Variants in TMEM38B observed in about 807,000 individuals in gnomAD.
TMEM38B encodes transmembrane protein 38B.
A neutral mutation model predicts 28.7 loss-of-function variants in TMEM38B; 24 were observed. That is an observed-to-expected ratio of 0.84 (90% CI 0.61 to 1.18). The LOEUF (loss-of-function observed/expected upper bound fraction) is 1.18. Among genes scored for constraint, TMEM38B ranks in the 50% most tolerant of loss-of-function variants. The probability of loss-of-function intolerance (pLI) is 0.00; values close to 1 mark genes in which losing one functional copy is unlikely to be tolerated. For synonymous variants in TMEM38B, 131 were observed against 127.7 expected (o/e 1.03, Z -0.17); for missense variants, 380 against 350.9 (o/e 1.08, Z -0.66).
chr9:105,694,555 C>G lies in TMEM38B; in HGVS notation c.-106C>G. The stretch of plus-strand genomic sequence containing the variant: ...GGCGCACGCGCGGAGCTGGAGCCGG[C>G]GCGGAGGAGCGGGCGGCCGCGGCTG... On this transcript the variant is annotated 5_prime_UTR_variant, in exon 1 of 6. Transcript: ENST00000374692. The G allele has an allele frequency of 1.3e-6, 1 of 745,066 alleles. No homozygotes were observed. The highest frequency in any genetic ancestry group is 2.1e-6 in the Non-Finnish European group (1 of 480,516). The allele number at this position is 745,066 out of a possible 1,614,324, so 46.2% of individuals were successfully genotyped here.
intron 2 of TMEM38B, among the ~76,000 whole-genome samples, chr9:105,707,530 G>A (rs1400090206): frequency 6.6e-6 from 1 of 152,100 alleles, no homozygotes; most frequent in African/African-American, 2.4e-5. Context: ...AAATGAATAT[G>A]TAACCAGTTC....
At chr9:105,703,976 G>A (rs540463765) in intron 1 of TMEM38B, among the ~76,000 whole-genome samples, 32 of 150,642 alleles carry the variant, frequency 2.1e-4, no homozygotes, top group Admixed American at 4.7e-4. Flanking sequence ...GTAAACTATC[G>A]CAAGAACAAA....
chr9:105,706,150 C>T (rs1178906041), intron 2 of TMEM38B, among the ~76,000 whole-genome samples: 3 of 152,290 alleles, frequency 2.0e-5, no homozygotes, highest in Non-Finnish European at 2.9e-5. Context: ...CTGCCCGCCT[C>T]GGCCTCCCAA....
intron 5 of TMEM38B, among the ~76,000 whole-genome samples, chr9:105,770,862 A>G (rs575542897): frequency 3.4e-4 from 52 of 152,278 alleles, no homozygotes; most frequent in African/African-American, 1.2e-3. Context: ...TCTTTTATAG[A>G]TATATTTCAG....
Position 105,773,927 on chromosome 9 carries a change from T to C in TMEM38B, c.723T>C (p.Ser241=). 6.2e-7 allele frequency: 1 copy of C among 1,613,780 alleles called. No homozygotes were observed. The highest frequency in any genetic ancestry group is 1.7e-5 in the Admixed American group (1 of 59,960). Reference sequence around the variant, plus strand: ...TTGCTCCTTTTGAGGATACATTGAGTTGGATGCTATTTGGCTGGCAGCAGC... The same window carrying C: ...TTGCTCCTTTTGAGGATACATTGAGCTGGATGCTATTTGGCTGGCAGCAGC... ...MTFAPFEDTL[S]WMLFGWQQPF... Residue 241 remains serine, a synonymous_variant, in exon 6 of 6, where the codon AGT becomes AGC. Coordinates refer to ENST00000374692, the MANE Select transcript of TMEM38B (RefSeq NM_018112.3).
chr9:105,728,082 A>T (rs1836586379), intron 4 of TMEM38B, among the ~76,000 whole-genome samples: 1 of 151,940 alleles, frequency 6.6e-6, no homozygotes, highest in Admixed American at 6.6e-5. Flanking sequence ...AGCCTCATGT[A>T]TTTCTTTTTT....
At chr9:105,707,477 A>T (rs1239610403) in intron 2 of TMEM38B, among the ~76,000 whole-genome samples, 1 of 152,212 alleles carries the variant, frequency 6.6e-6, no homozygotes, top group Admixed American at 6.5e-5. Context: ...CATTAAATAT[A>T]TAACAGGAAC....
At chr9:105,697,834 C>T (rs942386090) in intron 1 of TMEM38B, among the ~76,000 whole-genome samples, 1 of 152,034 alleles carries the variant, frequency 6.6e-6, no homozygotes, top group Non-Finnish European at 1.5e-5. Context: ...AGGGGTTTCT[C>T]AGGCCTAAGG....
At chr9:105,724,369 G>A (rs777281769) in intron 4 of TMEM38B, among the ~76,000 whole-genome samples, 19 of 151,464 alleles carry the variant, frequency 1.3e-4, no homozygotes, top group African/African-American at 4.1e-4. Flanking sequence ...GCACGGTGGC[G>A]TATGCCTGTA....
chr9:105,748,515 A>C (rs1006132856), intron 5 of TMEM38B, among the ~76,000 whole-genome samples: 5 of 152,220 alleles, frequency 3.3e-5, no homozygotes, highest in African/African-American at 1.2e-4. Context: ...GAGGCACTTG[A>C]GATAGATATT....
At chr9:105,742,867 A>G (rs1197657543) in intron 4 of TMEM38B, among the ~76,000 whole-genome samples, 2 of 152,244 alleles carry the variant, frequency 1.3e-5, no homozygotes, top group Non-Finnish European at 2.9e-5. Flanking sequence ...TGTACATTTT[A>G]TAATACAGTT....
chr9:105,764,463 G>A (rs1179988192), intron 5 of TMEM38B, among the ~76,000 whole-genome samples: 1 of 152,138 alleles, frequency 6.6e-6, no homozygotes, highest in South Asian at 2.1e-4. Flanking sequence ...GCCAAATCAT[G>A]AGTGAACTGC....
chr9:105,753,036 A>G (rs1360428308), intron 5 of TMEM38B, among the ~76,000 whole-genome samples: 4 of 152,246 alleles, frequency 2.6e-5, no homozygotes, highest in Non-Finnish European at 5.9e-5. Flanking sequence ...ACGAGTATCA[A>G]CAGCAGAATA....
In TMEM38B at chr9:105,748,104, A is replaced by G; in HGVS notation, c.574A>G (p.Ile192Val). ...PAKVTLLGSVIFTFQHTQHLA... is the reference protein window; with the variant it reads ...PAKVTLLGSVVFTFQHTQHLA... Reference sequence around the variant, plus strand: ...CAAGGTAACCCTGCTGGGGTCAGTTATCTTCACATTCCAGCACACCCAGCA... The same window carrying G: ...CAAGGTAACCCTGCTGGGGTCAGTTGTCTTCACATTCCAGCACACCCAGCA... Residue 192 changes from isoleucine to valine, a missense_variant, in exon 5 of 6, where the codon ATC becomes GTC. Physicochemically the swap from Ile to Val is conservative, Grantham distance 29 (BLOSUM62 3). Coordinates refer to ENST00000374692, the MANE Select transcript of TMEM38B (RefSeq NM_018112.3). 6.2e-7 allele frequency: 1 copy of G among 1,613,520 alleles called. No homozygotes were observed. Among genetic ancestry groups the G allele is most frequent in the Non-Finnish European group, 8.5e-7 (1 of 1,179,606 alleles).
intron 4 of TMEM38B, among the ~76,000 whole-genome samples, chr9:105,737,001 C>T (rs766681607): frequency 6.6e-6 from 1 of 152,184 alleles, no homozygotes; most frequent in African/African-American, 2.4e-5. Flanking sequence ...TTCCCAGCAA[C>T]GGGATGGATC....
intron 2 of TMEM38B, among the ~76,000 whole-genome samples, chr9:105,713,269 C>G (rs1256799683): frequency 6.6e-6 from 1 of 152,220 alleles, no homozygotes; most frequent in African/African-American, 2.4e-5. Flanking sequence ...CCAAACCCCT[C>G]CCCGACAGCT....
intron 1 of TMEM38B, among the ~76,000 whole-genome samples, chr9:105,704,095 G>C (rs1399228446): frequency 6.7e-6 from 1 of 148,802 alleles, no homozygotes; most frequent in East Asian, 2.0e-4. Flanking sequence ...GGTAGGGGGA[G>C]GGGGGAGGGA....
At chr9:105,725,332 T>A (rs1305913136) in intron 4 of TMEM38B, among the ~76,000 whole-genome samples, 1 of 150,836 alleles carries the variant, frequency 6.6e-6, no homozygotes, top group Non-Finnish European at 1.5e-5. Context: ...GATATTTTTG[T>A]CTCTTTTGAA....
chr9:105,729,023 T>C (rs1472107238), intron 4 of TMEM38B, among the ~76,000 whole-genome samples: 1 of 152,218 alleles, frequency 6.6e-6, no homozygotes, highest in African/African-American at 2.4e-5. Context: ...TCTCCCGTTC[T>C]GTAGGTTGCC....
Sources: gnomAD v4.1 joint callset for allele counts (sites outside exome capture counted in the v4.1 genomes callset) on GRCh38, gnomAD v4.1.1 for gene constraint, MANE v1.5 for transcripts, NCBI Gene and HGNC (gene_info 2026-07-23, HGNC 2026-07-21) for gene names.